Variants in FGF14 observed in about 807,000 individuals in gnomAD.
FGF14 encodes fibroblast growth factor homologous factor 4.
In FGF14, 5 loss-of-function variants were observed where a neutral mutation model predicts 25.5. The observed-to-expected ratio is 0.20, with a 90% CI of 0.10 to 0.41. The LOEUF is 0.41. Among genes scored for constraint, FGF14 ranks in the 10% least tolerant of loss-of-function variants. FGF14 has a pLI of 1.00. For synonymous variants in FGF14, 138 were observed against 118.3 expected, an observed-to-expected ratio of 1.17 and a Z score of -1.08; for missense variants, 222 against 320.1, an observed-to-expected ratio of 0.69 and a Z score of 2.34.
chr13:102,368,728 TAC>T (rs1185805599), intron 1 of FGF14, among the ~76,000 whole-genome samples: 1 of 152,238 alleles, frequency 6.6e-6, no homozygotes, highest in Non-Finnish European at 1.5e-5. Flanking sequence ...ATTATTTTCT[TAC>T]ATATAAAGAA....
intron 1 of FGF14, among the ~76,000 whole-genome samples, chr13:102,150,829 G>T (rs1037051757): frequency 1.3e-5 from 2 of 152,194 alleles, no homozygotes; most frequent in African/African-American, 4.8e-5. Context: ...TGTAGATAGA[G>T]ATCTGGGTGC....
intron 3 of FGF14, among the ~76,000 whole-genome samples, chr13:101,791,710 ATTG>A (rs1182691434): frequency 2.0e-5 from 3 of 152,164 alleles, no homozygotes; most frequent in African/African-American, 7.2e-5. Context: ...TCCACCCATT[ATTG>A]TTAATTTTAA....
chr13:101,905,160 G>T (rs1329996329), intron 1 of FGF14, among the ~76,000 whole-genome samples: 1 of 152,094 alleles, frequency 6.6e-6, no homozygotes, highest in Non-Finnish European at 1.5e-5. Context: ...TCTGCAGGGT[G>T]GCCATCATTT....
At chr13:101,843,486 G>C (rs147112667) in intron 3 of FGF14, among the ~76,000 whole-genome samples, 2 of 151,884 alleles carry the variant, frequency 1.3e-5, no homozygotes, top group East Asian at 3.9e-4. Flanking sequence ...CCATTTATTC[G>C]TAAGTATTTC....
intron 3 of FGF14, among the ~76,000 whole-genome samples, chr13:101,857,258 C>T (rs1467476824): frequency 6.6e-6 from 1 of 151,982 alleles, no homozygotes; most frequent in Non-Finnish European, 1.5e-5. Context: ...AATACCTCCA[C>T]CTTGTCAGAG....
intron 1 of FGF14, among the ~76,000 whole-genome samples, chr13:101,902,196 A>C (rs1046152731): frequency 1.3e-5 from 2 of 152,202 alleles, no homozygotes; most frequent in Non-Finnish European, 2.9e-5. Flanking sequence ...AGAGTAGGCA[A>C]GGTCCCCCAT....
At chr13:101,918,451 A>G (rs1017046080), upstream of FGF14, among the ~76,000 whole-genome samples, 6 of 152,226 alleles carry the variant, frequency 3.9e-5, no homozygotes, top group Non-Finnish European at 8.8e-5. Flanking sequence ...CTTGGTAATC[A>G]AGAGACTTGC....
At chr13:102,080,538 A>C (rs1009750274) in intron 1 of FGF14, among the ~76,000 whole-genome samples, 2 of 152,176 alleles carry the variant, frequency 1.3e-5, no homozygotes, top group Non-Finnish European at 2.9e-5. Context: ...ATATTTAATA[A>C]TCACTCTCTT....
chr13:102,093,865 C>T (rs2044277549), intron 1 of FGF14, among the ~76,000 whole-genome samples: 1 of 150,662 alleles, frequency 6.6e-6, no homozygotes, highest in Non-Finnish European at 1.5e-5. Flanking sequence ...CTCATGAAGC[C>T]ACTGCTGCAG....
chr13:102,139,273 G>A (rs2046537116), intron 1 of FGF14, among the ~76,000 whole-genome samples: 1 of 151,980 alleles, frequency 6.6e-6, no homozygotes, highest in Non-Finnish European at 1.5e-5. Context: ...GGTAGCACGT[G>A]CCTGTAATCC....
intron 1 of FGF14, among the ~76,000 whole-genome samples, chr13:102,257,508 C>T (rs1037779648): frequency 6.6e-5 from 10 of 151,734 alleles, no homozygotes; most frequent in African/African-American, 2.2e-4. Flanking sequence ...TACATCACAA[C>T]GCCCAGCTAA....
chr13:102,030,649 G>C (rs1260753767), intron 1 of FGF14, among the ~76,000 whole-genome samples: 1 of 152,012 alleles, frequency 6.6e-6, no homozygotes, highest in Non-Finnish European at 1.5e-5. Context: ...CAGGCGTACG[G>C]CTTCACTGAT....
intron 1 of FGF14, among the ~76,000 whole-genome samples, chr13:101,936,953 A>C (rs956625419): frequency 6.6e-6 from 1 of 152,224 alleles, no homozygotes; most frequent in African/African-American, 2.4e-5. Context: ...ATGTCAGATC[A>C]AAGGGGTAGA....
At chr13:102,116,353 G>C (rs2045469145) in intron 1 of FGF14, among the ~76,000 whole-genome samples, 1 of 152,010 alleles carries the variant, frequency 6.6e-6, no homozygotes, top group Non-Finnish European at 1.5e-5. Flanking sequence ...TTTACTCCTA[G>C]GGGTGTGTGT....
chr13:102,289,542 C>T (rs1236776207), intron 1 of FGF14, among the ~76,000 whole-genome samples: 1 of 152,064 alleles, frequency 6.6e-6, no homozygotes, highest in Admixed American at 6.6e-5. Flanking sequence ...AGTGTCTGTA[C>T]CCCTAAATTA....
intron 1 of FGF14, among the ~76,000 whole-genome samples, chr13:102,308,638 G>C (rs902367000): frequency 6.6e-6 from 1 of 152,122 alleles, no homozygotes; most frequent in Non-Finnish European, 1.5e-5. Context: ...TGAGTGATCT[G>C]AACAAGTCAT....
intron 3 of FGF14, among the ~76,000 whole-genome samples, chr13:101,757,376 C>A (rs900446853): frequency 3.9e-5 from 6 of 152,024 alleles, no homozygotes; most frequent in African/African-American, 7.2e-5. Flanking sequence ...GGAATTGAAG[C>A]AGATAATTTT....
Position 101,977,570 on chromosome 13 carries a change from T to C in FGF14, c.209-102274A>G, listed in dbSNP as rs1366686290. ...TCCCTACTCCTCCTTCTTCCTTCTT[T>C]GCTTTCTTTCTTTTTATGTTTTTAA... On this transcript the variant is annotated intron_variant, in intron 1 of 4. Coordinates refer to the FGF14 transcript ENST00000376131. Among the ~76,000 whole-genome samples the C allele has an allele frequency of 2.0e-5, 3 of 152,146 alleles. 1 individual carries two copies. The highest frequency in any genetic ancestry group is 6.6e-5 in the Admixed American group (1 of 15,264).
chr13:101,986,938 GCA>G (rs3064731), intron 1 of FGF14, among the ~76,000 whole-genome samples: 55,108 of 147,640 alleles, frequency 0.37, 10,143 homozygotes, highest in East Asian at 0.51. Context: ...GTATGTGCAT[GCA>G]CACACACACA....
Sources: gnomAD v4.1 joint callset for allele counts (sites outside exome capture counted in the v4.1 genomes callset) on GRCh38, gnomAD v4.1.1 for gene constraint, MANE v1.5 for transcripts, NCBI Gene and HGNC (gene_info 2026-07-23, HGNC 2026-07-21) for gene names.